ENTREP2: variants seen among roughly 807,000 people sequenced by gnomAD.
The protein encoded by ENTREP2 is protein ENTREP2.
At chr15:29,570,636 G>A in the ENTREP2 span, 8 of 1,402,648 alleles carry the variant, frequency 5.7e-6, no homozygotes, top group South Asian at 8.4e-5. Flanking sequence ...AGCACGATGC[G>A]GGAGCGGCCC....
the ENTREP2 span, among the ~76,000 whole-genome samples, chr15:29,295,786 G>T: frequency 6.6e-6 from 1 of 152,114 alleles, no homozygotes; most frequent in Non-Finnish European, 1.5e-5. Flanking sequence ...CTGGACAAAG[G>T]GATGAAGAAA....
the ENTREP2 span, among the ~76,000 whole-genome samples, chr15:29,219,413 G>T: frequency 7.9e-5 from 12 of 151,910 alleles, no homozygotes; most frequent in African/African-American, 2.7e-4. Flanking sequence ...ACAGTGTGGA[G>T]CTTCCTTAAA....
chr15:29,258,024 A>T, the ENTREP2 span, among the ~76,000 whole-genome samples: 1 of 152,104 alleles, frequency 6.6e-6, no homozygotes. Context: ...ATCCTGGCTA[A>T]CACGGTGAAA....
At chr15:29,277,646 T>A in the ENTREP2 span, among the ~76,000 whole-genome samples, 2 of 152,182 alleles carry the variant, frequency 1.3e-5, no homozygotes, top group Non-Finnish European at 2.9e-5. Flanking sequence ...CACCTCCTGC[T>A]GTGCGGCCAG....
chr15:29,164,030 C>T, the ENTREP2 span, among the ~76,000 whole-genome samples: 4 of 152,126 alleles, frequency 2.6e-5, no homozygotes, highest in African/African-American at 7.2e-5. Flanking sequence ...TCAAACAAAA[C>T]GATTATCAGC....
At chr15:29,317,521 T>G in the ENTREP2 span, among the ~76,000 whole-genome samples, 2 of 152,138 alleles carry the variant, frequency 1.3e-5, no homozygotes, top group Non-Finnish European at 2.9e-5. Context: ...ATTCAAAGAC[T>G]CAATCAAATT....
the ENTREP2 span, among the ~76,000 whole-genome samples, chr15:29,354,255 C>T: frequency 1.3e-5 from 2 of 152,176 alleles, no homozygotes; most frequent in African/African-American, 4.8e-5. Flanking sequence ...GCAGCTCCAC[C>T]CCTCCTCCTG....
chr15:29,455,917 G>A, the ENTREP2 span, among the ~76,000 whole-genome samples: 13 of 152,182 alleles, frequency 8.5e-5, no homozygotes, highest in African/African-American at 2.2e-4. Flanking sequence ...CTGATGATCC[G>A]TCACTATCTC....
At chr15:29,411,029 C>T in the ENTREP2 span, among the ~76,000 whole-genome samples, 11 of 152,198 alleles carry the variant, frequency 7.2e-5, no homozygotes, top group South Asian at 6.2e-4. Context: ...GGTGATCCGC[C>T]GCCTCAGCCT....
the ENTREP2 span, among the ~76,000 whole-genome samples, chr15:29,663,301 C>T: frequency 1.3e-5 from 2 of 151,966 alleles, no homozygotes; most frequent in Admixed American, 6.6e-5. Context: ...GGGCGGATCA[C>T]CTGAGGTCAG....
At chr15:29,366,934 T>C in the ENTREP2 span, among the ~76,000 whole-genome samples, 1 of 152,222 alleles carries the variant, frequency 6.6e-6, no homozygotes, top group Admixed American at 6.5e-5. Context: ...AATGTATTTA[T>C]TTTTTAAATA....
At chr15:29,528,129 G>A in the ENTREP2 span, among the ~76,000 whole-genome samples, 4 of 152,160 alleles carry the variant, frequency 2.6e-5, no homozygotes, top group Admixed American at 6.5e-5. Flanking sequence ...GTGAACAGAC[G>A]CAAACAATAA....
chr15:29,603,270 G>A, the ENTREP2 span, among the ~76,000 whole-genome samples: 1 of 152,192 alleles, frequency 6.6e-6, no homozygotes. Context: ...TTTGAGGCAG[G>A]TGGTCCATGT....
At chr15:29,220,282 C>T in the ENTREP2 span, among the ~76,000 whole-genome samples, 1 of 152,190 alleles carries the variant, frequency 6.6e-6, no homozygotes, top group Non-Finnish European at 1.5e-5. Flanking sequence ...CATGTGAATT[C>T]AGAGAAACCA....
At chr15:29,479,549 C>T in the ENTREP2 span, among the ~76,000 whole-genome samples, 74,043 of 151,534 alleles carry the variant, frequency 0.49, 18,808 homozygotes, top group African/African-American at 0.64. Context: ...GAAGGAGTAC[C>T]TGCTCCCCAC....
the ENTREP2 span, among the ~76,000 whole-genome samples, chr15:29,316,709 G>A: frequency 6.6e-6 from 1 of 152,136 alleles, no homozygotes; most frequent in Non-Finnish European, 1.5e-5. Context: ...TGTGTATATA[G>A]TTGAGATATC....
chr15:29,252,390 T>C, the ENTREP2 span: 54 of 1,550,620 alleles, frequency 3.5e-5, no homozygotes, highest in East Asian at 3.4e-4. Flanking sequence ...TTCTAGGGAG[T>C]TGACTAGCTG....
chr15:29,591,832 GAGAAGAAGAAGAAGAAGA>G, the ENTREP2 span, among the ~76,000 whole-genome samples: 2,203 of 140,176 alleles, frequency 0.016, 47 homozygotes, highest in African/African-American at 0.042. Flanking sequence ...CATCTCAAAA[GAGAAGAAGAAGAAGAAGA>G]AGAAGAAGAA....
chr15:29,303,328 T>C, the ENTREP2 span, among the ~76,000 whole-genome samples: 2 of 152,258 alleles, frequency 1.3e-5, no homozygotes, highest in Non-Finnish European at 2.9e-5. Context: ...GTTTTCTTAG[T>C]TGATGTAGTC....
Sources: gnomAD v4.1 joint callset for allele counts (sites outside exome capture counted in the v4.1 genomes callset) on GRCh38, gnomAD v4.1.1 for gene constraint, MANE v1.5 for transcripts, NCBI Gene and HGNC (gene_info 2026-07-23, HGNC 2026-07-21) for gene names.